The following RPGR variants were observed in gnomAD, a reference collection of about 807,000 sequenced individuals.
RPGR encodes X-linked retinitis pigmentosa GTPase regulator.
RPGR carries 10 observed loss-of-function variants against 56.3 expected under a neutral mutation model. The ratio of observed to expected loss-of-function variants is 0.18; its 90% CI spans 0.11 to 0.30. The LOEUF is 0.30. RPGR is among the 10% of genes least tolerant of loss of function. The pLI is 1.00. For synonymous variants in RPGR, 197 were observed against 212.9 expected (o/e 0.93, Z 0.65); for missense variants, 538 against 590.9 (o/e 0.91, Z 0.93).
At position 38,286,627 on chromosome X, in the gene RPGR, CCTT is replaced by C. The variant is rs1220781013; in HGVS notation, c.1905+464_1905+466del. 5 of 1,106,016 alleles carry C rather than the reference CCTT, an allele frequency of 4.5e-6. No individual in the cohort carries two copies. Among genetic ancestry groups the C allele is most frequent in the Admixed American group, 6.1e-5 (2 of 32,790 alleles). The allele number at this position is 1,106,016 out of a possible 1,213,427, so 91.1% of individuals were successfully genotyped here. A position where few individuals can be genotyped will look rare whatever the true frequency, so the allele number is the denominator to read the frequency against. On this transcript the variant is annotated intron_variant, in intron 15 of 18. Transcript: ENST00000642395. ...CTCCTCTTCCCCCTCTCCTTGGTCT[CCTT>C]CTTCCTCTCCTTTCTCCTCCTTCCC...
chrX:38,300,186 T>G (rs183266339), intron 9 of RPGR, among the ~76,000 whole-genome samples: 3 of 111,505 alleles, frequency 2.7e-5, no homozygotes, highest in Non-Finnish European at 5.7e-5. Flanking sequence ...CTGACCTCAG[T>G]TGATCTGCAC....
chrX:38,293,862 T>C (rs1010092018), intron 11 of RPGR, among the ~76,000 whole-genome samples: 1 of 111,544 alleles, frequency 9.0e-6, no homozygotes, highest in East Asian at 2.8e-4. Context: ...TTATACTTTC[T>C]CTCTTCTGTG....
intron 14 of RPGR, chrX:38,287,611 A>T: frequency 2.0e-6 from 1 of 510,823 alleles, no homozygotes; most frequent in Non-Finnish European, 3.5e-6. Flanking sequence ...GAAAGGACTC[A>T]TCTTTTTTGT....
At position 38,298,998 on chromosome X, in the gene RPGR, T is replaced by C; in HGVS notation, c.1203A>G (p.Val401=). Residue 401 remains valine (V), a synonymous_variant, in exon 10 of 19, where the codon GTA becomes GTG. Transcript: ENST00000642395. ...TACGTGCTGATAGAGTCCTCTGCAG[T>C]ACATTTCCTGAGGTTAAACTGCTAT... The C allele has an allele frequency of 2.5e-6, 3 of 1,211,953 alleles. No homozygotes were observed. The highest frequency in any genetic ancestry group is 3.3e-6 in the Non-Finnish European group (3 of 895,541).
chrX:38,276,478 A>ATGTATTCT (rs2066938122), intron 16 of RPGR: 1 of 750,904 alleles, frequency 1.3e-6, no homozygotes, highest in African/African-American at 2.1e-5. Flanking sequence ...TCATGTATTC[A>ATGTATTCT]TGGGAGTATT....
rs2067111911 is a variant in RPGR at position 38,285,576 on chromosome X, C to A, written c.1905+1518G>T. On this transcript the variant is annotated intron_variant, in intron 15 of 18. Coordinates refer to ENST00000642395, the MANE Select transcript of RPGR (RefSeq NM_000328.3). ...CCAAGTAATGTGGTAATACATTATT[C>A]CAGAACTTTTTGGAACCTGATGGCC... 1 of 1,211,524 alleles carries A rather than the reference C, an allele frequency of 8.3e-7. No individual in the cohort carries two copies. The highest frequency in any genetic ancestry group is 1.1e-6 in the Non-Finnish European group (1 of 895,468).
rs1044194582 is a variant in RPGR, at chrX:38,295,593, T to C, written c.1414+1691A>G. On this transcript the variant is annotated intron_variant, in intron 11 of 18. Transcript: ENST00000642395. Reference sequence around the variant, plus strand: ...CTACTACTTTTTCCATGTCCAGGGCTGAAGAGTACCATTAGACATTGATCT... The same window carrying C: ...CTACTACTTTTTCCATGTCCAGGGCCGAAGAGTACCATTAGACATTGATCT... Among the ~76,000 whole-genome samples, 7 of 112,283 alleles carry C rather than the reference T, an allele frequency of 6.2e-5. 1 individual carries two copies. In the Admixed American group the frequency reaches 6.6e-4, roughly 11 times the overall value.
intron 7 of RPGR, chrX:38,308,380 G>A (rs908994954): frequency 1.8e-5 from 2 of 111,785 alleles, no homozygotes; most frequent in Non-Finnish European, 3.8e-5. Context: ...AAAACCACAC[G>A]AAAATATCAT....
intron 6 of RPGR, among the ~76,000 whole-genome samples, chrX:38,311,035 A>C (rs1280287686): frequency 8.9e-6 from 1 of 112,734 alleles, no homozygotes; most frequent in African/African-American, 3.2e-5. Flanking sequence ...AAAGTGAAGA[A>C]TATCTTGTGT....
At chrX:38,325,773 C>T (rs1033861249) in intron 1 of RPGR, 2 of 111,571 alleles carry the variant, frequency 1.8e-5, no homozygotes, top group African/African-American at 6.5e-5. Flanking sequence ...AAGTCATTAC[C>T]TGATCTGAGT....
chrX:38,287,325 TTCAA>T, intron 14 of RPGR, 80 bp from the exon 15 acceptor site: 2 of 1,181,627 alleles, frequency 1.7e-6, no homozygotes, highest in East Asian at 3.0e-5. Context: ...CATTTCCTTG[TTCAA>T]TCAATTTCCT....
rs143455808 is a variant in RPGR at position 38,318,569 on chromosome X, C to T, written c.469+260G>A. The stretch of plus-strand genomic sequence containing the variant: ...AAGAATATCTAAAGGAGTAGACAGA[C>T]GGCATAGCTTAGAGCTTATTTGCCA... On this transcript the variant is annotated intron_variant, in intron 5 of 18. Coordinates refer to ENST00000642395, the MANE Select transcript of RPGR (RefSeq NM_000328.3). Among the ~76,000 whole-genome samples the T allele has an allele frequency of 6.6e-3, 734 of 111,434 alleles. 7 individuals carry two copies. The highest frequency in any genetic ancestry group is 0.037 in the Middle Eastern group (8 of 215).
In RPGR at chrX:38,286,529, C is replaced by G; in HGVS notation, c.1905+565G>C. On this transcript the variant is annotated intron_variant, in intron 15 of 18. Coordinates refer to ENST00000642395, the MANE Select transcript of RPGR (RefSeq NM_000328.3). ...TCCTCCTCTTCCTCTTCCCTCTCTCCTTTCCCCTCCTCTACTTCCCCTCCC... is the reference window on the plus strand; with the variant it reads ...TCCTCCTCTTCCTCTTCCCTCTCTCGTTTCCCCTCCTCTACTTCCCCTCCC... 3 of 1,076,791 alleles carry G rather than the reference C, an allele frequency of 2.8e-6. No individual in the cohort carries two copies. The East Asian group carries it at 1.1e-4, about 38-fold the overall frequency. The allele number at this position is 1,076,791 out of a possible 1,213,427, so 88.7% of individuals were successfully genotyped here.
intron 11 of RPGR, among the ~76,000 whole-genome samples, chrX:38,294,510 C>T (rs1448437143): frequency 1.8e-5 from 2 of 111,902 alleles, no homozygotes; most frequent in Non-Finnish European, 3.8e-5. Flanking sequence ...AGTTACCATG[C>T]CCATCTCTTT....
At chrX:38,295,646 G>A (rs1270210392) in intron 11 of RPGR, among the ~76,000 whole-genome samples, 1 of 111,909 alleles carries the variant, frequency 8.9e-6, no homozygotes, top group Non-Finnish European at 1.9e-5. Context: ...TACAAAAGTT[G>A]TGGGTCAGGT....
intron 1 of RPGR, among the ~76,000 whole-genome samples, chrX:38,326,325 C>T (rs1461975911): frequency 1.8e-5 from 2 of 112,038 alleles, no homozygotes; most frequent in African/African-American, 3.2e-5. Flanking sequence ...AGAAAACATA[C>T]ATATTTCAGT....
At chrX:38,315,602 G>T (rs1454249192) in intron 6 of RPGR, among the ~76,000 whole-genome samples, 1 of 110,809 alleles carries the variant, frequency 9.0e-6, no homozygotes, top group Admixed American at 9.7e-5. Context: ...AGGTTAATGG[G>T]TCCAAAAATT....
Position 38,287,053 on chromosome X carries a change from T to A in RPGR, c.1905+41A>T, listed in dbSNP as rs367882990. Reference sequence around the variant, plus strand: ...TCCATCCCCTCTACCTTCAGGCCCATCCTCTGCTTCTCCCACTGATTTTGC... The same window carrying A: ...TCCATCCCCTCTACCTTCAGGCCCAACCTCTGCTTCTCCCACTGATTTTGC... On this transcript the variant is annotated intron_variant, in intron 15 of 18. Transcript: ENST00000642395. 7.4e-6 allele frequency: 9 copies of A among 1,208,068 alleles called. No individual in the cohort carries two copies. In the African/African-American group the frequency reaches 1.6e-4, roughly 21 times the overall value.
At chrX:38,283,417 C>T (rs1200889162) in intron 15 of RPGR, among the ~76,000 whole-genome samples, 1 of 111,998 alleles carries the variant, frequency 8.9e-6, no homozygotes, top group Non-Finnish European at 1.9e-5. Context: ...TGAACAACTG[C>T]TGTTCCTATA....
Sources: allele counts gnomAD v4.1 joint callset (sites outside exome capture counted in the v4.1 genomes callset), GRCh38; gene constraint gnomAD v4.1.1; transcripts MANE v1.5; gene names NCBI Gene and HGNC (gene_info 2026-07-23, HGNC 2026-07-21).